Variants in SGCZ observed in about 807,000 individuals in gnomAD.
The protein encoded by SGCZ is zeta-sarcoglycan.
SGCZ carries 40 observed loss-of-function variants against 41.3 expected under a neutral mutation model. That is an observed-to-expected ratio of 0.97 (90% CI 0.75 to 1.26). The LOEUF is 1.26. Among genes scored for constraint, SGCZ ranks in the 50% most tolerant of loss-of-function variants. The probability of loss-of-function intolerance (pLI) is 0.00; values close to 1 mark genes in which losing one functional copy is unlikely to be tolerated. For missense variants in SGCZ, 552 were observed against 369.8 expected (o/e 1.49, Z -4.04); for synonymous variants, 206 against 137.5 (o/e 1.50, Z -3.49).
chr8:14,820,825 G>A (rs1390458600), intron 1 of SGCZ, among the ~76,000 whole-genome samples: 1 of 150,242 alleles, frequency 6.7e-6, no homozygotes, highest in Non-Finnish European at 1.5e-5. Flanking sequence ...ATGGAACATA[G>A]CAAAAGCATT....
intron 1 of SGCZ, among the ~76,000 whole-genome samples, chr8:14,654,349 G>A (rs887081921): frequency 1.5e-4 from 23 of 152,118 alleles, no homozygotes; most frequent in African/African-American, 5.3e-4. Context: ...CATCCAGGCT[G>A]CTCACTGTGC....
At chr8:14,501,915 C>T (rs1368277851) in intron 2 of SGCZ, among the ~76,000 whole-genome samples, 1 of 151,842 alleles carries the variant, frequency 6.6e-6, no homozygotes, top group African/African-American at 2.4e-5. Flanking sequence ...ATAAAAATCA[C>T]TTTATATGTT....
chr8:14,724,263 A>T (rs2130198359), intron 1 of SGCZ, among the ~76,000 whole-genome samples: 1 of 152,172 alleles, frequency 6.6e-6, no homozygotes, highest in African/African-American at 2.4e-5. Flanking sequence ...CAAGGTGGAA[A>T]TACATGTATA....
At chr8:14,639,602 T>C (rs1324831618) in intron 1 of SGCZ, among the ~76,000 whole-genome samples, 2 of 151,894 alleles carry the variant, frequency 1.3e-5, no homozygotes, top group East Asian at 3.9e-4. Context: ...CCTGATCATG[T>C]ATCTATTCAT....
intron 4 of SGCZ, among the ~76,000 whole-genome samples, chr8:14,198,008 G>A (rs11993032): frequency 0.7 from 105,817 of 152,114 alleles, 37,377 homozygotes; most frequent in East Asian, 0.8. Context: ...ACACTGGAAA[G>A]GGATTATTAG....
intron 5 of SGCZ, among the ~76,000 whole-genome samples, chr8:14,118,066 T>C (rs1004516744): frequency 1.3e-5 from 2 of 151,940 alleles, no homozygotes; most frequent in Admixed American, 6.6e-5. Flanking sequence ...GTCTTTATAG[T>C]AGAATGATTT....
chr8:15,236,605 C>G (rs915082658), intron 1 of SGCZ, among the ~76,000 whole-genome samples: 1 of 151,984 alleles, frequency 6.6e-6, no homozygotes, highest in Non-Finnish European at 1.5e-5. Context: ...TTACGGTGAG[C>G]GGGACATTTA....
At chr8:15,042,808 A>G (rs1287465342) in intron 1 of SGCZ, among the ~76,000 whole-genome samples, 1 of 152,164 alleles carries the variant, frequency 6.6e-6, no homozygotes, top group Admixed American at 6.5e-5. Context: ...ACATCAAACA[A>G]GAAGAGTTTT....
At position 15,147,186 on chromosome 8, in the gene SGCZ, T is replaced by C. The variant is rs116446351; in HGVS notation, c.39+90399A>G. Among the ~76,000 whole-genome samples the C allele has an allele frequency of 4.9e-3, 739 of 152,316 alleles. 10 individuals are homozygous for C. The highest frequency in any genetic ancestry group is 0.017 in the African/African-American group (709 of 41,568). ...GGAAAACCTGCATCATCTAAAGCTC[T>C]TGAGAACCATAATCTACTCCCAACA... On this transcript the variant is annotated intron_variant, in intron 1 of 7. Transcript: ENST00000382080.
chr8:14,686,058 T>C (rs1317787468), intron 1 of SGCZ, among the ~76,000 whole-genome samples: 1 of 152,134 alleles, frequency 6.6e-6, no homozygotes, highest in Non-Finnish European at 1.5e-5. Context: ...ACAAACTATA[T>C]GTTTCGTCTC....
chr8:14,904,587 T>C (rs989241891), intron 1 of SGCZ, among the ~76,000 whole-genome samples: 4 of 152,038 alleles, frequency 2.6e-5, no homozygotes, highest in African/African-American at 9.7e-5. Context: ...GGTATTCATA[T>C]CCAAATTAAA....
intron 2 of SGCZ, among the ~76,000 whole-genome samples, chr8:14,391,583 G>A (rs542555253): frequency 2.7e-4 from 41 of 152,210 alleles, no homozygotes; most frequent in African/African-American, 9.6e-4. Context: ...ATTGGACAAG[G>A]CACCAGTTAG....
intron 1 of SGCZ, among the ~76,000 whole-genome samples, chr8:15,208,321 G>A (rs759868119): frequency 5.9e-5 from 9 of 152,044 alleles, no homozygotes; most frequent in Non-Finnish European, 7.4e-5. Context: ...CATCAATGAC[G>A]GGTATGATTT....
intron 1 of SGCZ, among the ~76,000 whole-genome samples, chr8:14,621,677 G>A (rs1004036069): frequency 1.3e-5 from 2 of 151,794 alleles, no homozygotes; most frequent in South Asian, 2.1e-4. Flanking sequence ...GTGAAGTGGG[G>A]AAGTGCTACA....
chr8:15,115,946 T>C (rs1041404423), intron 1 of SGCZ, among the ~76,000 whole-genome samples: 19 of 152,232 alleles, frequency 1.2e-4, no homozygotes, highest in Admixed American at 1.3e-4. Context: ...CAGCAAACTT[T>C]AATAGGCCAC....
At chr8:14,405,626 G>A (rs1563308444) in intron 2 of SGCZ, among the ~76,000 whole-genome samples, 2 of 152,160 alleles carry the variant, frequency 1.3e-5, no homozygotes, top group Admixed American at 1.3e-4. Context: ...AGAATTAAAT[G>A]TGATGGAAAT....
At chr8:14,468,379 A>G (rs1801111504) in intron 2 of SGCZ, among the ~76,000 whole-genome samples, 1 of 152,122 alleles carries the variant, frequency 6.6e-6, no homozygotes, top group Non-Finnish European at 1.5e-5. Flanking sequence ...GCTAATATCA[A>G]TTTATTTTAA....
At chr8:15,071,211 G>A (rs1164184258) in intron 1 of SGCZ, among the ~76,000 whole-genome samples, 1 of 152,198 alleles carries the variant, frequency 6.6e-6, no homozygotes, top group Admixed American at 6.5e-5. Flanking sequence ...GCAACTTGAT[G>A]AAATCAGCTT....
In SGCZ at chr8:14,618,711, G is replaced by C. The variant is rs569400602; in HGVS notation, c.40-63785C>G. On this transcript the variant is annotated intron_variant, in intron 1 of 7. Coordinates refer to ENST00000382080, the MANE Select transcript of SGCZ (RefSeq NM_139167.4). ...GAAGAATAAATAAGAGTCTGTTAAAGTAATTCAGGAAACAAATGATGGGTG... is the reference window on the plus strand; with the variant it reads ...GAAGAATAAATAAGAGTCTGTTAAACTAATTCAGGAAACAAATGATGGGTG... 8.7e-4 allele frequency among the ~76,000 whole-genome samples: 132 copies of C among 152,288 alleles called. No individual in the cohort carries two copies. The South Asian group carries it at 8.7e-3, about 10-fold the overall frequency.
Sources: gnomAD v4.1 joint callset for allele counts (sites outside exome capture counted in the v4.1 genomes callset) on GRCh38, gnomAD v4.1.1 for gene constraint, MANE v1.5 for transcripts, NCBI Gene and HGNC (gene_info 2026-07-23, HGNC 2026-07-21) for gene names.